CNTLN: variants seen among roughly 807,000 people sequenced by gnomAD.
The protein encoded by CNTLN is centlein.
In CNTLN, 212 loss-of-function variants were observed where a neutral mutation model predicts 180.0. The ratio of observed to expected loss-of-function variants is 1.18; its 90% confidence interval spans 1.05 to 1.32. The LOEUF (loss-of-function observed/expected upper bound fraction) is 1.32, where lower values mean the gene tolerates loss of function less well. Among genes scored for constraint, CNTLN ranks in the 40% most tolerant of loss-of-function variants. The probability of loss-of-function intolerance (pLI) is 0.00; values close to 1 mark genes in which losing one functional copy is unlikely to be tolerated. For synonymous variants in CNTLN, 722 were observed against 563.1 expected (o/e 1.28, Z -3.99); for missense variants, 2,095 against 1,610.9 (o/e 1.30, Z -5.14).
intron 18 of CNTLN, among the ~76,000 whole-genome samples, chr9:17,418,813 A>C (rs1210431723): frequency 1.3e-5 from 2 of 152,034 alleles, no homozygotes; most frequent in East Asian, 3.8e-4. Context: ...CTCCATACTA[A>C]AGATATTACT....
At chr9:17,435,807 C>T (rs970842968) in intron 18 of CNTLN, among the ~76,000 whole-genome samples, 16 of 152,152 alleles carry the variant, frequency 1.1e-4, no homozygotes, top group Non-Finnish European at 5.9e-5. Flanking sequence ...AGGTGATCCA[C>T]CCGTCTTGGC....
intron 12 of CNTLN, among the ~76,000 whole-genome samples, chr9:17,354,413 G>A (rs1317537479): frequency 6.6e-6 from 1 of 152,186 alleles, no homozygotes; most frequent in Non-Finnish European, 1.5e-5. Context: ...GTCTGGTGGG[G>A]CCTTGGAGGA....
At chr9:17,452,281 T>G (rs559214597) in intron 18 of CNTLN, among the ~76,000 whole-genome samples, 1 of 152,286 alleles carries the variant, frequency 6.6e-6, no homozygotes, top group African/African-American at 2.4e-5. Flanking sequence ...GTTTACCAGG[T>G]CTCCCTGATG....
intron 13 of CNTLN, among the ~76,000 whole-genome samples, chr9:17,369,113 G>A (rs545531783): frequency 5.3e-5 from 8 of 152,280 alleles, no homozygotes; most frequent in African/African-American, 1.9e-4. Context: ...GGAGGTAATT[G>A]AATCATGGGG....
At chr9:17,314,421 A>T (rs566746190) in intron 8 of CNTLN, among the ~76,000 whole-genome samples, 11 of 152,340 alleles carry the variant, frequency 7.2e-5, no homozygotes, top group African/African-American at 2.6e-4. Context: ...TAATTAGGTC[A>T]GATTTAAATT....
intron 8 of CNTLN, among the ~76,000 whole-genome samples, chr9:17,316,142 A>G (rs1294719520): frequency 6.6e-6 from 1 of 151,634 alleles, no homozygotes; most frequent in East Asian, 1.9e-4. Flanking sequence ...GTATTTTTAT[A>G]ATTGTTATCT....
intron 5 of CNTLN, among the ~76,000 whole-genome samples, chr9:17,260,681 A>T (rs1266154793): frequency 2.0e-5 from 3 of 151,434 alleles, no homozygotes; most frequent in Non-Finnish European, 4.4e-5. Flanking sequence ...GCTATGCAGA[A>T]GCTCTTTAGT....
chr9:17,365,392 C>A, intron 12 of CNTLN, among the ~76,000 whole-genome samples: 1 of 152,118 alleles, frequency 6.6e-6, no homozygotes, highest in East Asian at 1.9e-4. Flanking sequence ...GTCAATTGAA[C>A]CTCTTTTCTT....
chr9:17,211,533 T>C (rs1051819273), intron 2 of CNTLN, among the ~76,000 whole-genome samples: 15 of 152,236 alleles, frequency 9.9e-5, no homozygotes, highest in African/African-American at 3.6e-4. Flanking sequence ...GTCTTGGCAA[T>C]GCGGGCTCTT....
chr9:17,184,269 T>C (rs1473254542), intron 2 of CNTLN, among the ~76,000 whole-genome samples: 1 of 152,164 alleles, frequency 6.6e-6, no homozygotes, highest in African/African-American at 2.4e-5. Context: ...AAATTCTTGC[T>C]ATTTTGGAAT....
At chr9:17,186,298 A>G (rs556838921) in intron 2 of CNTLN, among the ~76,000 whole-genome samples, 22 of 152,244 alleles carry the variant, frequency 1.4e-4, no homozygotes, top group African/African-American at 5.1e-4. Context: ...GTGCTTTTTT[A>G]GAGTTGGTCT....
chr9:17,502,796 T>C lies in CNTLN; in HGVS notation c.*144T>C, dbSNP rs1833822776. ...CAAAATAAGAAGTCTCTGAAAATAA[T>C]TAATTGCTGAACAAGTGAAACTAAT... On this transcript the variant is annotated 3_prime_UTR_variant, in exon 26 of 26. Transcript: ENST00000380647. 2.5e-6 allele frequency: 1 copy of C among 405,646 alleles called. No homozygotes were observed. Among genetic ancestry groups the C allele is most frequent in the Admixed American group, 4.9e-5 (1 of 20,506 alleles). The allele number at this position is 405,646 out of a possible 1,614,324, so 25.1% of individuals were successfully genotyped here.
chr9:17,151,769 G>A lies in CNTLN; in HGVS notation c.449+8393G>A, dbSNP rs1407638531. On this transcript the variant is annotated intron_variant, in intron 2 of 25. Coordinates refer to ENST00000380647, the MANE Select transcript of CNTLN (RefSeq NM_017738.4). The stretch of plus-strand genomic sequence containing the variant: ...CCTCTTTGTACCTCTGGTAGAATTC[G>A]GCTGTGAATCCATCTAGTCCTTGAC... 3.9e-5 allele frequency among the ~76,000 whole-genome samples: 6 copies of A among 152,186 alleles called. No individual in the cohort carries two copies. The South Asian group carries it at 8.3e-4, about 21-fold the overall frequency.
chr9:17,454,489 CTA>C (rs1830994350), intron 18 of CNTLN, among the ~76,000 whole-genome samples: 1 of 152,140 alleles, frequency 6.6e-6, no homozygotes, highest in African/African-American at 2.4e-5. Flanking sequence ...AAACAAGTAA[CTA>C]TGACTTAAGA....
chr9:17,485,943 T>A (rs1023050849), intron 24 of CNTLN, among the ~76,000 whole-genome samples: 1 of 152,130 alleles, frequency 6.6e-6, no homozygotes, highest in African/African-American at 2.4e-5. Context: ...TGCATGTCTG[T>A]GAATAAGTGA....
chr9:17,213,552 T>A (rs1475831212), intron 2 of CNTLN, among the ~76,000 whole-genome samples: 1 of 152,178 alleles, frequency 6.6e-6, no homozygotes, highest in African/African-American at 2.4e-5. Context: ...GGTGAAGAGT[T>A]CTGTAGATGT....
At chr9:17,329,559 A>G (rs975521766) in intron 8 of CNTLN, among the ~76,000 whole-genome samples, 2 of 152,026 alleles carry the variant, frequency 1.3e-5, no homozygotes, top group Non-Finnish European at 1.5e-5. Context: ...AAATGAGGTG[A>G]TTTAAATATG....
intron 25 of CNTLN, chr9:17,494,980 C>G (rs529494079): frequency 6.7e-6 from 3 of 448,498 alleles, no homozygotes; most frequent in Non-Finnish European, 8.9e-6. Flanking sequence ...CTGCCAGACT[C>G]GAGCAGTTCT....
intron 12 of CNTLN, among the ~76,000 whole-genome samples, chr9:17,348,939 T>C (rs1364112967): frequency 1.3e-5 from 2 of 152,182 alleles, no homozygotes; most frequent in Non-Finnish European, 2.9e-5. Flanking sequence ...TTTGTTTTAC[T>C]GGTCCTCACC....
Sources: allele counts gnomAD v4.1 joint callset (sites outside exome capture counted in the v4.1 genomes callset), GRCh38; gene constraint gnomAD v4.1.1; transcripts MANE v1.5; gene names NCBI Gene and HGNC (gene_info 2026-07-23, HGNC 2026-07-21).